Variants in C3 observed in about 807,000 individuals in gnomAD.
The protein encoded by C3 is C3 and PZP-like alpha-2-macroglobulin domain-containing protein 1.
A neutral mutation model predicts 207.9 loss-of-function variants in C3; 97 were observed. The ratio of observed to expected loss-of-function variants is 0.47; its 90% CI spans 0.40 to 0.55. C3 has a LOEUF of 0.55. Among genes scored for constraint, C3 ranks in the 20% least tolerant of loss-of-function variants. C3 has a pLI of 0.00. For synonymous variants in C3, 848 were observed against 857.6 expected (o/e 0.99, Z 0.20); for missense variants, 1,684 against 2,171.7 (o/e 0.78, Z 4.46).
intron 14 of C3, among the ~76,000 whole-genome samples, chr19:6,708,237 G>A (rs380819): frequency 6.6e-6 from 1 of 151,838 alleles, no homozygotes; most frequent in Non-Finnish European, 1.5e-5. Flanking sequence ...CCCAGGTTCA[G>A]GCAATTTTCC....
intron 23 of C3, among the ~76,000 whole-genome samples, chr19:6,695,698 T>C: frequency 6.6e-6 from 1 of 151,902 alleles, no homozygotes; most frequent in Admixed American, 6.6e-5. Flanking sequence ...CAGGCTGGTC[T>C]CAAACTCCTA....
intron 35 of C3, among the ~76,000 whole-genome samples, chr19:6,681,514 C>T (rs1010245561): frequency 5.3e-5 from 8 of 151,788 alleles, no homozygotes; most frequent in Non-Finnish European, 1.0e-4. Flanking sequence ...ACACTGTACT[C>T]CAGTCTGGGT....
At chr19:6,689,328 C>CTCTCTCTCTCTCTCT (rs1599503345) in intron 27 of C3, among the ~76,000 whole-genome samples, 1 of 53,246 alleles carries the variant, frequency 1.9e-5, no homozygotes, top group African/African-American at 9.9e-5. Flanking sequence ...TCTCTACCTA[C>CTCTCTCTCTCTCTCT]CTCCCTCCCT....
chr19:6,688,840 T>C (rs1270966615), intron 27 of C3, among the ~76,000 whole-genome samples: 1 of 151,910 alleles, frequency 6.6e-6, no homozygotes, highest in Non-Finnish European at 1.5e-5. Flanking sequence ...GAAACAGCCA[T>C]GTCTGCCCCC....
In C3 at chr19:6,679,506, G is replaced by C. The variant is rs1599496641; in HGVS notation, c.4457-10C>G. 6 of 1,586,222 alleles carry C rather than the reference G, an allele frequency of 3.8e-6. No homozygotes were observed. The East Asian group carries it at 1.3e-4, about 35-fold the overall frequency. On this transcript the variant is annotated splice_polypyrimidine_tract_variant and intron_variant, in intron 36 of 40. Coordinates refer to ENST00000245907, the MANE Select transcript of C3 (RefSeq NM_000064.4). ...CGGGTACAGCTTTCCTCTGCGGGCAGATGTGATGTGAAGATGAGAGGATAA... is the reference window on the plus strand; with the variant it reads ...CGGGTACAGCTTTCCTCTGCGGGCACATGTGATGTGAAGATGAGAGGATAA...
Position 6,678,134 on chromosome 19 carries a change from C to G in C3, c.4850+18G>C, listed in dbSNP as rs755252899. ...GGGCAGTCGGGCGGTCGCGCGCACG[C>G]GCAGGGAAAGCACTCACTTGGGCTT... On this transcript the variant is annotated intron_variant, in intron 40 of 40. Transcript: ENST00000245907. The G allele has an allele frequency of 4.3e-6, 7 of 1,614,056 alleles. No individual in the cohort carries two copies. In the South Asian group the frequency reaches 7.7e-5, roughly 18 times the overall value.
At chr19:6,690,498 A>G (rs1918138765) in intron 27 of C3, 131 bp downstream of exon 27, 3 of 752,076 alleles carry the variant, frequency 4.0e-6, no homozygotes, top group Admixed American at 3.8e-5. Flanking sequence ...AGCTATTAAC[A>G]TGACTGCAGT....
At chr19:6,713,699 G>T (rs1967969378) in intron 7 of C3, 190 bp from the exon 8 acceptor site, 1 of 357,186 alleles carries the variant, frequency 2.8e-6, no homozygotes, top group East Asian at 4.8e-5. Context: ...CCCCCACATG[G>T]TCCCACCTCC....
intron 3 of C3, 23 bp from the exon 4 acceptor site, chr19:6,718,187 C>T (rs756206959): frequency 4.3e-6 from 7 of 1,613,984 alleles, no homozygotes; most frequent in South Asian, 3.3e-5. Flanking sequence ...AAAGAGGCCT[C>T]GTGAGACCCT....
chr19:6,694,703 G>T, intron 23 of C3, 69 bp from the exon 24 acceptor site: 4 of 1,460,246 alleles, frequency 2.7e-6, no homozygotes, highest in South Asian at 1.2e-5. Flanking sequence ...GCGTGAAAAG[G>T]GTTCCAGCCT....
intron 19 of C3, among the ~76,000 whole-genome samples, chr19:6,699,608 A>C (rs1326980790): frequency 6.6e-6 from 1 of 151,110 alleles, no homozygotes; most frequent in East Asian, 2.0e-4. Context: ...TGTTTACACC[A>C]CTGCACTCCA....
Position 6,712,365 on chromosome 19 carries a change from G to T in C3, c.1161C>A (p.Val387=). The change falls in exon 11 of 41, where the codon GTC becomes GTA. Residue 387 remains valine, a synonymous_variant. Coordinates refer to ENST00000245907, the MANE Select transcript of C3 (RefSeq NM_000064.4). ...TNPDGSPAYR[V]PVAVQGEDTV... ...TGTCCTCGCCCTGGACTGCCACGGGGACTCGGTAGGCTGGAGAGCCATCAG... is the reference window on the plus strand; with the variant it reads ...TGTCCTCGCCCTGGACTGCCACGGGTACTCGGTAGGCTGGAGAGCCATCAG... The T allele has an allele frequency of 6.2e-7, 1 of 1,614,150 alleles. No homozygotes were observed. The highest frequency in any genetic ancestry group is 8.5e-7 in the Non-Finnish European group (1 of 1,180,004).
chr19:6,701,777 A>C (rs11569459), intron 19 of C3, among the ~76,000 whole-genome samples: 1 of 151,962 alleles, frequency 6.6e-6, no homozygotes, highest in African/African-American at 2.4e-5. Context: ...CCCCTGCCTC[A>C]GCCTCCCAAA....
intron 24 of C3, 29 bp downstream of exon 24, chr19:6,694,401 TG>T: frequency 6.2e-7 from 1 of 1,604,786 alleles, no homozygotes; most frequent in Non-Finnish European, 8.5e-7. Flanking sequence ...AAGGGGTCCC[TG>T]GGGTCTCCAA....
chr19:6,697,464 G>C lies in C3; in HGVS notation c.2676C>G (p.Ser892=). 6.2e-7 allele frequency: 1 copy of C among 1,613,942 alleles called. No homozygotes were observed. The highest frequency in any genetic ancestry group is 8.5e-7 in the Non-Finnish European group (1 of 1,179,984). ...CGATGACATATGGAACGGACAACGA[G>C]GACTTGGGGGGGATGGTTACGGTCT... ...HQQTVTIPPK[S]SLSVPYVIVP... The change falls in exon 21 of 41, where the codon TCC becomes TCG. Residue 892 remains serine (S), a synonymous_variant. Coordinates refer to ENST00000245907, the MANE Select transcript of C3 (RefSeq NM_000064.4).
Position 6,692,948 on chromosome 19 carries a change from C to T in C3, c.3366G>A (p.Ala1122=), listed in dbSNP as rs762514521. 6 of 1,614,114 alleles carry T rather than the reference C, an allele frequency of 3.7e-6. No homozygotes were observed. In the East Asian group the frequency reaches 1.1e-4, roughly 30 times the overall value. The part of the protein sequence containing the change: ...QKPDGVFQED[A]PVIHQEMIGG... ...CAATCATTTCTTGGTGTATCACGGG[C>T]GCATCCTCCTGGAAGACCCCGTCGG... The change falls in exon 26 of 41, where the codon GCG becomes GCA. Residue 1122 remains alanine, a synonymous_variant. Transcript: ENST00000245907.
At position 6,711,225 on chromosome 19, in the gene C3, G is replaced by A. The variant is rs757135089; in HGVS notation, c.1270-29C>T. On this transcript the variant is annotated intron_variant, in intron 11 of 40. Transcript: ENST00000245907. ...GGTGGGGAAAGAGGGATGCCTGCTG[G>A]TCGCCGCCCGAGGATACCCACACCC... 11 of 1,590,178 alleles carry A rather than the reference G, an allele frequency of 6.9e-6. No individual in the cohort carries two copies. The East Asian group carries it at 2.2e-4, about 32-fold the overall frequency.
intron 36 of C3, among the ~76,000 whole-genome samples, chr19:6,679,856 C>T (rs1369414940): frequency 1.3e-5 from 2 of 152,098 alleles, no homozygotes; most frequent in African/African-American, 4.8e-5. Flanking sequence ...CATCAGACCC[C>T]CAAGTCTCAG....
Position 6,690,659 on chromosome 19 carries a change from C to T in C3, c.3459G>A (p.Glu1153=). The change falls in exon 27 of 41, where the codon GAG becomes GAA. Residue 1153 remains glutamate, a synonymous_variant. Transcript: ENST00000245907. ...LTAFVLISLQ[E]AKDICEEQVN... is the part of the protein sequence containing the mutation. ...CCTGCTCCTCGCAAATATCTTTAGC[C>T]TCCTGCAGCGAGATGAGAACAAAGG... 1 of 1,614,228 alleles carries T rather than the reference C, an allele frequency of 6.2e-7. No homozygotes were observed. Among genetic ancestry groups the T allele is most frequent in the Middle Eastern group, 1.6e-4 (1 of 6,062 alleles).
Sources: allele counts gnomAD v4.1 joint callset (sites outside exome capture counted in the v4.1 genomes callset), GRCh38; gene constraint gnomAD v4.1.1; transcripts MANE v1.5; gene names NCBI Gene and HGNC (gene_info 2026-07-23, HGNC 2026-07-21).